EXOC4: variants seen among roughly 807,000 people sequenced by gnomAD.
EXOC4 encodes the protein exocyst complex component 4.
Under a neutral mutation model 107.2 loss-of-function variants are expected in EXOC4, and 71 were observed. That is an observed-to-expected ratio of 0.66 (90% CI 0.55 to 0.81). The LOEUF (loss-of-function observed/expected upper bound fraction) is 0.81. Ranked by LOEUF, EXOC4 falls within the 30% of genes least tolerant of loss-of-function variation. The probability of loss-of-function intolerance (pLI) is 0.00; values close to 1 mark genes in which losing one functional copy is unlikely to be tolerated. For synonymous variants in EXOC4, 456 were observed against 441.2 expected (o/e 1.03, Z -0.42); for missense variants, 1,108 against 1,189.6 (o/e 0.93, Z 1.01).
At chr7:133,475,494 A>C (rs1798990899) in intron 8 of EXOC4, 21 bp downstream of exon 8, 1 of 1,607,658 alleles carries the variant, frequency 6.2e-7, no homozygotes, top group Non-Finnish European at 8.5e-7. Context: ...TTCTGCTGTT[A>C]ATAGGTTTTA....
At chr7:133,979,353 C>T (rs556021083) in intron 14 of EXOC4, among the ~76,000 whole-genome samples, 1 of 152,194 alleles carries the variant, frequency 6.6e-6, no homozygotes, top group South Asian at 2.1e-4. Flanking sequence ...TCTCATAGTG[C>T]CTCTTTGGTA....
intron 6 of EXOC4, among the ~76,000 whole-genome samples, chr7:133,360,130 C>T (rs1796105702): frequency 6.6e-6 from 1 of 152,196 alleles, no homozygotes; most frequent in African/African-American, 2.4e-5. Context: ...CCTGAAGCCT[C>T]TGCATTTCAG....
chr7:134,055,753 C>G (rs1329300951), intron 17 of EXOC4, among the ~76,000 whole-genome samples: 1 of 152,160 alleles, frequency 6.6e-6, no homozygotes, highest in Non-Finnish European at 1.5e-5. Context: ...GACTGCCAAG[C>G]CCTAGTTTTG....
At chr7:134,018,903 A>T (rs1218712785) in intron 17 of EXOC4, among the ~76,000 whole-genome samples, 1 of 151,844 alleles carries the variant, frequency 6.6e-6, no homozygotes, top group African/African-American at 2.4e-5. Context: ...GATATGTATT[A>T]CTTTCGATGT....
In EXOC4 at chr7:133,694,697, C is replaced by T. The variant is rs147152678; in HGVS notation, c.1514+64556C>T. On this transcript the variant is annotated intron_variant, in intron 10 of 17. Transcript: ENST00000253861. ...TAATTGGGATATCTGTCACTGTAAA[C>T]ATTTTTCTTTATGTTGGGAACATTC... 7.2e-5 allele frequency among the ~76,000 whole-genome samples: 11 copies of T among 152,252 alleles called. 1 individual carries two copies. The highest frequency in any genetic ancestry group is 1.6e-4 in the Non-Finnish European group (11 of 68,016).
At chr7:133,607,213 A>T (rs1158607595) in intron 9 of EXOC4, among the ~76,000 whole-genome samples, 1 of 152,224 alleles carries the variant, frequency 6.6e-6, no homozygotes, top group African/African-American at 2.4e-5. Flanking sequence ...TAAAAAATGC[A>T]TGAATTTTAA....
chr7:133,712,499 G>A (rs1794915766), intron 10 of EXOC4, among the ~76,000 whole-genome samples: 1 of 138,436 alleles, frequency 7.2e-6, no homozygotes, highest in Non-Finnish European at 1.5e-5. Flanking sequence ...CTGCTGGTAG[G>A]AATACAAAAG....
At chr7:133,860,688 C>T (rs1018807100) in intron 11 of EXOC4, among the ~76,000 whole-genome samples, 3 of 147,568 alleles carry the variant, frequency 2.0e-5, no homozygotes, top group African/African-American at 8.1e-5. Flanking sequence ...GATGTTACTT[C>T]TTTTTCCTCT....
chr7:133,634,019 T>C (rs1161625857), intron 10 of EXOC4, among the ~76,000 whole-genome samples: 1 of 152,218 alleles, frequency 6.6e-6, no homozygotes, highest in Non-Finnish European at 1.5e-5. Flanking sequence ...GTGCGTTCTT[T>C]GCAGCCTAGC....
intron 14 of EXOC4, among the ~76,000 whole-genome samples, chr7:133,980,283 G>A (rs1200488411): frequency 6.6e-6 from 1 of 152,290 alleles, no homozygotes; most frequent in South Asian, 2.1e-4. Context: ...AAGGTTTTTC[G>A]AGGAGTGAGA....
chr7:133,720,566 T>A (rs1795087528), intron 10 of EXOC4, among the ~76,000 whole-genome samples: 1 of 152,180 alleles, frequency 6.6e-6, no homozygotes, highest in Non-Finnish European at 1.5e-5. Context: ...TATATCAAGT[T>A]ATACAACTAG....
chr7:134,014,069 G>A lies in EXOC4; in HGVS notation c.2687+6234G>A, dbSNP rs755783908. On this transcript the variant is annotated intron_variant, in intron 17 of 17. Transcript: ENST00000253861. ...AAAACATACATGCGTACAAAAATACGCACACAAATGTTCATAGCAAGCATT... is the reference window on the plus strand; with the variant it reads ...AAAACATACATGCGTACAAAAATACACACACAAATGTTCATAGCAAGCATT... 2.3e-4 allele frequency among the ~76,000 whole-genome samples: 35 copies of A among 152,104 alleles called. 1 individual carries two copies. The highest frequency in any genetic ancestry group is 1.8e-3 in the Admixed American group (27 of 15,272).
chr7:133,257,237 C>CTG (rs1365887279), intron 1 of EXOC4, among the ~76,000 whole-genome samples: 4 of 67,380 alleles, frequency 5.9e-5, no homozygotes, highest in Non-Finnish European at 8.0e-5. Context: ...ATGGAACTAA[C>CTG]CGGGGGGGAC....
chr7:133,908,585 C>A (rs528983308), intron 12 of EXOC4, among the ~76,000 whole-genome samples: 1 of 152,322 alleles, frequency 6.6e-6, no homozygotes, highest in Middle Eastern at 3.4e-3. Context: ...AGTTCCCAGC[C>A]TTCTGTGCCT....
chr7:134,048,698 C>T (rs1451379205), intron 17 of EXOC4, among the ~76,000 whole-genome samples: 1 of 152,058 alleles, frequency 6.6e-6, no homozygotes, highest in Non-Finnish European at 1.5e-5. Context: ...TTTTAATGGC[C>T]CCAGGTCACA....
intron 9 of EXOC4, among the ~76,000 whole-genome samples, chr7:133,485,562 T>A (rs1183142647): frequency 1.3e-5 from 2 of 152,156 alleles, no homozygotes; most frequent in Admixed American, 6.5e-5. Context: ...TACAATATAA[T>A]TCTTTATCAC....
At chr7:133,636,839 A>C (rs899324469) in intron 10 of EXOC4, among the ~76,000 whole-genome samples, 1 of 152,228 alleles carries the variant, frequency 6.6e-6, no homozygotes, top group Non-Finnish European at 1.5e-5. Context: ...TAAGAAGATG[A>C]ACCTCTCTTG....
intron 14 of EXOC4, among the ~76,000 whole-genome samples, chr7:133,991,117 T>C (rs1794247723): frequency 6.6e-6 from 1 of 152,194 alleles, no homozygotes; most frequent in African/African-American, 2.4e-5. Flanking sequence ...TTCTCACTGG[T>C]GTGAGATGAT....
intron 9 of EXOC4, among the ~76,000 whole-genome samples, chr7:133,490,885 T>G (rs374086342): frequency 6.6e-6 from 1 of 152,174 alleles, no homozygotes; most frequent in African/African-American, 2.4e-5. Flanking sequence ...TAGGAAAAAA[T>G]AACTTTGTTT....
Sources: gnomAD v4.1 joint callset for allele counts (sites outside exome capture counted in the v4.1 genomes callset) on GRCh38, gnomAD v4.1.1 for gene constraint, MANE v1.5 for transcripts, NCBI Gene and HGNC (gene_info 2026-07-23, HGNC 2026-07-21) for gene names.